SPOPL: variants seen among roughly 807,000 people sequenced by gnomAD.
SPOPL encodes speckle type BTB/POZ protein like, also known as speckle-type POZ protein-like.
SPOPL carries 23 observed loss-of-function variants against 53.8 expected under a neutral mutation model. That is an observed-to-expected ratio of 0.43 (90% confidence interval 0.31 to 0.61). The LOEUF (loss-of-function observed/expected upper bound fraction) is 0.61. SPOPL is among the 20% of genes least tolerant of loss of function. The pLI is 0.12. For missense variants in SPOPL, 442 were observed against 466.9 expected (o/e 0.95, Z 0.49); for synonymous variants, 164 against 149.7 (o/e 1.10, Z -0.70).
At chr2:138,535,450 T>C (rs1304188225) in intron 1 of SPOPL, among the ~76,000 whole-genome samples, 1 of 152,132 alleles carries the variant, frequency 6.6e-6, no homozygotes, top group African/African-American at 2.4e-5. Context: ...GTTAAACCAT[T>C]ATACATCTCC....
intron 1 of SPOPL, among the ~76,000 whole-genome samples, chr2:138,502,683 A>T (rs1047313032): frequency 2.6e-5 from 4 of 152,008 alleles, no homozygotes; most frequent in Admixed American, 2.0e-4. Flanking sequence ...CCTGCTTTCT[A>T]ATACATTTTT....
At chr2:138,530,424 T>C (rs1455239904) in intron 1 of SPOPL, among the ~76,000 whole-genome samples, 1 of 152,208 alleles carries the variant, frequency 6.6e-6, no homozygotes, top group Non-Finnish European at 1.5e-5. Flanking sequence ...TCCACAATGG[T>C]TGAAGTCAGT....
chr2:138,557,814 A>G lies in SPOPL; in HGVS notation c.481-1208A>G, dbSNP rs79023831. ...TCTTTAAGTGTATTTTTTTACATGT[A>G]TTAAATGTAATGTGAAATTTTTAAT... is the stretch of plus-strand genomic sequence containing the variant. On this transcript the variant is annotated intron_variant, in intron 5 of 10. Coordinates refer to ENST00000280098, the MANE Select transcript of SPOPL (RefSeq NM_001001664.3). 8.5e-4 allele frequency among the ~76,000 whole-genome samples: 130 copies of G among 152,260 alleles called. 2 individuals are homozygous for G. Among genetic ancestry groups the G allele is most frequent in the African/African-American group, 2.9e-3 (120 of 41,544 alleles).
rs562509317 is a variant in SPOPL at position 138,572,956 on chromosome 2, A to G, written c.*3876A>G. The G allele has an allele frequency of 6.6e-6, 1 of 152,514 alleles. No individual in the cohort carries two copies. The highest frequency in any genetic ancestry group is 1.9e-4 in the East Asian group (1 of 5,178). The allele number at this position is 152,514 out of a possible 1,614,324, so 9.4% of individuals were successfully genotyped here. A position where few individuals can be genotyped will look rare whatever the true frequency, so the allele number is the denominator to read the frequency against. On this transcript the variant is annotated 3_prime_UTR_variant, in exon 11 of 11. Coordinates refer to ENST00000280098, the MANE Select transcript of SPOPL (RefSeq NM_001001664.3). ...AGTTTATCATTGTATACTGTAACCC[A>G]GTAAATTTTGCATTCAGTTTTAAAA...
chr2:138,527,283 G>A (rs1684697312), intron 1 of SPOPL, among the ~76,000 whole-genome samples: 1 of 151,930 alleles, frequency 6.6e-6, no homozygotes, highest in Admixed American at 6.6e-5. Context: ...ATAATCTTGT[G>A]TTTTTCTCTT....
chr2:138,528,257 T>G (rs748213197), intron 1 of SPOPL, among the ~76,000 whole-genome samples: 2 of 152,184 alleles, frequency 1.3e-5, no homozygotes, highest in Admixed American at 1.3e-4. Context: ...TCTAAAATAA[T>G]TACTCTGAGG....
chr2:138,535,167 G>A (rs1193826244), intron 1 of SPOPL, among the ~76,000 whole-genome samples: 1 of 152,008 alleles, frequency 6.6e-6, no homozygotes, highest in Non-Finnish European at 1.5e-5. Context: ...GCAAGACACT[G>A]TTTAAAAAAA....
chr2:138,507,145 A>G (rs978422066), intron 1 of SPOPL, among the ~76,000 whole-genome samples: 10 of 152,100 alleles, frequency 6.6e-5, no homozygotes, highest in Admixed American at 6.5e-4. Context: ...CAATACACCC[A>G]TAAACTGTTT....
intron 4 of SPOPL, among the ~76,000 whole-genome samples, chr2:138,551,550 A>G (rs2104892716): frequency 6.6e-6 from 1 of 152,106 alleles, no homozygotes; most frequent in South Asian, 2.1e-4. Context: ...CAAAATTCAC[A>G]TATATAGCCA....
chr2:138,544,090 G>A (rs1685135128), intron 1 of SPOPL, among the ~76,000 whole-genome samples: 1 of 152,200 alleles, frequency 6.6e-6, no homozygotes. Context: ...TCGTTCCTCT[G>A]GAAGTTTTGT....
intron 1 of SPOPL, among the ~76,000 whole-genome samples, chr2:138,525,676 A>G: frequency 6.6e-6 from 1 of 150,460 alleles, no homozygotes; most frequent in East Asian, 1.9e-4. Context: ...AAAAAAAAAT[A>G]CACAAAAAAC....
intron 1 of SPOPL, among the ~76,000 whole-genome samples, chr2:138,541,280 C>G (rs1486235743): frequency 1.3e-5 from 2 of 152,178 alleles, no homozygotes; most frequent in Non-Finnish European, 2.9e-5. Context: ...GGAGGATTCC[C>G]TCTTTTTCTA....
chr2:138,509,172 T>C (rs527729792), intron 1 of SPOPL, among the ~76,000 whole-genome samples: 84 of 152,172 alleles, frequency 5.5e-4, no homozygotes, highest in Admixed American at 1.1e-3. Context: ...ATACCTAAAG[T>C]GAAGGTATGA....
At chr2:138,514,025 C>G (rs1447964543) in intron 1 of SPOPL, among the ~76,000 whole-genome samples, 4 of 152,102 alleles carry the variant, frequency 2.6e-5, no homozygotes, top group East Asian at 1.9e-4. Flanking sequence ...TATCATCATA[C>G]AGCATGTATG....
At chr2:138,505,432 G>A (rs181966440) in intron 1 of SPOPL, among the ~76,000 whole-genome samples, 1 of 151,622 alleles carries the variant, frequency 6.6e-6, no homozygotes, top group Non-Finnish European at 1.5e-5. Context: ...ATTCATGGAG[G>A]CAGAAGTCTG....
At chr2:138,548,720 C>A (rs1040252679) in intron 1 of SPOPL, among the ~76,000 whole-genome samples, 29 of 151,858 alleles carry the variant, frequency 1.9e-4, no homozygotes, top group Middle Eastern at 3.4e-3. Flanking sequence ...AGATAGTTTT[C>A]TTTGTTTACT....
intron 1 of SPOPL, among the ~76,000 whole-genome samples, chr2:138,517,594 G>T (rs1246786989): frequency 6.6e-6 from 1 of 152,056 alleles, no homozygotes; most frequent in Non-Finnish European, 1.5e-5. Flanking sequence ...CAAAAGATTA[G>T]CCAGGCGTGG....
intron 8 of SPOPL, chr2:138,564,356 A>G (rs937209377): frequency 4.9e-6 from 1 of 205,708 alleles, no homozygotes; most frequent in Admixed American, 5.3e-5. Context: ...ATCCTTCAAT[A>G]CTGAGTGGTG....
In SPOPL at chr2:138,569,144, A is replaced by G; in HGVS notation, c.*64A>G. 4 of 1,543,860 alleles carry G rather than the reference A, an allele frequency of 2.6e-6. No individual in the cohort carries two copies. Among genetic ancestry groups the G allele is most frequent in the Non-Finnish European group, 3.5e-6 (4 of 1,130,852 alleles). On this transcript the variant is annotated 3_prime_UTR_variant, in exon 11 of 11. Coordinates refer to ENST00000280098, the MANE Select transcript of SPOPL (RefSeq NM_001001664.3). ...ACTCCTCCAGGTCCAGAAGGATTCTAATACACAAACCATAAGCAAGAGTTG... is the reference window on the plus strand; with the variant it reads ...ACTCCTCCAGGTCCAGAAGGATTCTGATACACAAACCATAAGCAAGAGTTG...
Sources: allele counts gnomAD v4.1 joint callset (sites outside exome capture counted in the v4.1 genomes callset), GRCh38; gene constraint gnomAD v4.1.1; transcripts MANE v1.5; gene names NCBI Gene and HGNC (gene_info 2026-07-23, HGNC 2026-07-21).